FBXW8: variants seen among roughly 807,000 people sequenced by gnomAD.
The protein encoded by FBXW8 is F-box/WD repeat-containing protein 8.
FBXW8 carries 57 observed loss-of-function variants against 65.3 expected under a neutral mutation model. That is an observed-to-expected ratio of 0.87 (90% CI 0.71 to 1.09). The LOEUF (loss-of-function observed/expected upper bound fraction) is 1.09. FBXW8 is among the 50% of genes least tolerant of loss of function. The probability of loss-of-function intolerance (pLI) is 0.00; values close to 1 mark genes in which losing one functional copy is unlikely to be tolerated. For synonymous variants in FBXW8, 308 were observed against 330.2 expected (o/e 0.93, Z 0.73); for missense variants, 777 against 814.8 (o/e 0.95, Z 0.57).
intron 5 of FBXW8, among the ~76,000 whole-genome samples, chr12:116,967,333 T>C (rs946265326): frequency 1.3e-5 from 2 of 152,232 alleles, no homozygotes; most frequent in Non-Finnish European, 2.9e-5. Flanking sequence ...ATTTTTGTTA[T>C]TGAAAACAGT....
intron 5 of FBXW8, among the ~76,000 whole-genome samples, chr12:116,979,931 C>G (rs1277379841): frequency 2.0e-5 from 3 of 152,144 alleles, no homozygotes; most frequent in Non-Finnish European, 2.9e-5. Flanking sequence ...GGGGTTGTCT[C>G]CTTGCCCTGA....
At chr12:116,994,077 A>C (rs1953316086) in intron 7 of FBXW8, among the ~76,000 whole-genome samples, 1 of 152,248 alleles carries the variant, frequency 6.6e-6, no homozygotes. Context: ...AGCAAAAGGA[A>C]CAACTCTAGA....
At chr12:116,973,625 A>T (rs1884760495) in intron 5 of FBXW8, among the ~76,000 whole-genome samples, 1 of 152,224 alleles carries the variant, frequency 6.6e-6, no homozygotes. Flanking sequence ...AAACTGAGGG[A>T]CATTCCACAA....
At chr12:116,958,545 A>G (rs1883793318) in intron 4 of FBXW8, among the ~76,000 whole-genome samples, 1 of 152,222 alleles carries the variant, frequency 6.6e-6, no homozygotes, top group African/African-American at 2.4e-5. Context: ...GCATGGATGA[A>G]TACCACACAC....
intron 7 of FBXW8, 57 bp from the exon 8 acceptor site, chr12:117,010,266 T>C: frequency 6.2e-7 from 1 of 1,610,990 alleles, no homozygotes; most frequent in Non-Finnish European, 8.5e-7. Context: ...ATGAAAGTAT[T>C]TGATGTCGGC....
Position 116,928,142 on chromosome 12 carries a change from A to ACAGATGTT in FBXW8, c.423+17_423+24dup, listed in dbSNP as rs1565900640. 6.7e-7 allele frequency: 1 copy of ACAGATGTT among 1,498,852 alleles called. No homozygotes were observed. 92.8% of individuals were successfully genotyped at this position (1,498,852 alleles called of 1,614,324 possible). ...GATGTGCACAGGTAAGGTGTCACCA[A>ACAGATGTT]CAGATGTTCCAGATTTTCCTAAATG... On this transcript the variant is annotated intron_variant, in intron 2 of 10. Transcript: ENST00000652555.
At chr12:116,934,548 T>C (rs1882021839) in intron 2 of FBXW8, among the ~76,000 whole-genome samples, 1 of 152,226 alleles carries the variant, frequency 6.6e-6, no homozygotes, top group African/African-American at 2.4e-5. Flanking sequence ...AGGAGAAAAG[T>C]AAGTCTGCCA....
intron 1 of FBXW8, among the ~76,000 whole-genome samples, chr12:116,917,876 C>T (rs1245904465): frequency 1.3e-5 from 2 of 151,712 alleles, no homozygotes; most frequent in East Asian, 1.9e-4. Context: ...CCTGTAGTCC[C>T]AGCTACTGGG....
At chr12:116,959,755 C>G (rs1303860326) in intron 4 of FBXW8, among the ~76,000 whole-genome samples, 1 of 152,172 alleles carries the variant, frequency 6.6e-6, no homozygotes, top group Non-Finnish European at 1.5e-5. Flanking sequence ...TCGTGCAGAG[C>G]TTGAGAGAGG....
At chr12:116,932,520 T>C (rs1193215864) in intron 2 of FBXW8, among the ~76,000 whole-genome samples, 1 of 152,156 alleles carries the variant, frequency 6.6e-6, no homozygotes, top group Non-Finnish European at 1.5e-5. Flanking sequence ...TACAGGACCA[T>C]TTAGACAGTT....
At position 116,947,725 on chromosome 12, in the gene FBXW8, C is replaced by G. The variant is rs1256230480; in HGVS notation, c.589-1893C>G. Among the ~76,000 whole-genome samples the G allele has an allele frequency of 2.3e-5, 3 of 127,842 alleles. No homozygotes were observed. The Admixed American group carries it at 2.7e-4, about 12-fold the overall frequency. 83.9% of individuals were successfully genotyped at this position (127,842 alleles called of 152,430 possible). On this transcript the variant is annotated intron_variant, in intron 3 of 10. Coordinates refer to ENST00000652555, the MANE Select transcript of FBXW8 (RefSeq NM_153348.3). ...TTGCACTCCAGCCTGGGCGACAGAG[C>G]GAGACTGTCTCAAAAAAAAAAAAAA...
At chr12:116,986,313 C>T (rs186754623) in intron 6 of FBXW8, 30 of 152,314 alleles carry the variant, frequency 2.0e-4, no homozygotes, top group African/African-American at 7.2e-4. Flanking sequence ...GCTGTCAGCT[C>T]ATCTGGGTTT....
At chr12:116,964,517 CCTT>C (rs775296302) in intron 4 of FBXW8, among the ~76,000 whole-genome samples, 177 bp from the exon 5 acceptor site, 9 of 152,130 alleles carry the variant, frequency 5.9e-5, no homozygotes, top group Non-Finnish European at 1.2e-4. Flanking sequence ...GTGTTCACAG[CCTT>C]CTGTCATCTA....
chr12:116,982,859 C>T (rs1259175270), intron 5 of FBXW8, among the ~76,000 whole-genome samples: 5 of 152,038 alleles, frequency 3.3e-5, no homozygotes, highest in African/African-American at 7.3e-5. Context: ...TGATGGTGTA[C>T]GTCAGTTACT....
Position 116,911,021 on chromosome 12 carries a change from C to T in FBXW8, c.-17C>T. 1 of 1,394,118 alleles carries T rather than the reference C, an allele frequency of 7.2e-7. No individual in the cohort carries two copies. Among genetic ancestry groups the T allele is most frequent in the Non-Finnish European group, 9.3e-7 (1 of 1,079,752 alleles). 86.4% of individuals were successfully genotyped at this position (1,394,118 alleles called of 1,614,324 possible). A position where few individuals can be genotyped will look rare whatever the true frequency, so the allele number is the denominator to read the frequency against. On this transcript the variant is annotated 5_prime_UTR_variant, in exon 1 of 11. Coordinates refer to ENST00000652555, the MANE Select transcript of FBXW8 (RefSeq NM_153348.3). ...CGGTGGAACCGAGGAGAACGTGGAG[C>T]GCCGGGAGCGGCGAATATGGACGAC... is the stretch of plus-strand genomic sequence containing the variant.
intron 5 of FBXW8, among the ~76,000 whole-genome samples, chr12:116,974,641 T>A (rs1884815077): frequency 6.6e-6 from 1 of 152,102 alleles, no homozygotes. Context: ...AAATGAAGCA[T>A]GGCTGAGGCA....
At chr12:116,921,726 A>G (rs1880916580) in intron 1 of FBXW8, among the ~76,000 whole-genome samples, 1 of 152,082 alleles carries the variant, frequency 6.6e-6, no homozygotes, top group African/African-American at 2.4e-5. Flanking sequence ...CACTGTAGAA[A>G]TATTTAGGAA....
intron 1 of FBXW8, among the ~76,000 whole-genome samples, chr12:116,913,444 T>G (rs1318440076): frequency 1.3e-5 from 2 of 152,228 alleles, no homozygotes; most frequent in Non-Finnish European, 2.9e-5. Flanking sequence ...TATAGATAAG[T>G]CAGTTAACAC....
intron 1 of FBXW8, among the ~76,000 whole-genome samples, chr12:116,912,561 G>A (rs1057061954): frequency 6.7e-6 from 1 of 148,522 alleles, no homozygotes; most frequent in Non-Finnish European, 1.5e-5. Context: ...CTAGGTTCAC[G>A]CCATTCTCCT....
Sources: gnomAD v4.1 joint callset for allele counts (sites outside exome capture counted in the v4.1 genomes callset) on GRCh38, gnomAD v4.1.1 for gene constraint, MANE v1.5 for transcripts, NCBI Gene and HGNC (gene_info 2026-07-23, HGNC 2026-07-21) for gene names.